Variants in GLIS3 observed in about 807,000 individuals in gnomAD.
The protein encoded by GLIS3 is GLIS family zinc finger 3, also known as zinc finger protein GLIS3.
GLIS3 carries 53 observed loss-of-function variants against 78.6 expected under a neutral mutation model. The observed-to-expected ratio is 0.67, with a 90% CI of 0.54 to 0.85. GLIS3 has a LOEUF of 0.85. Ranked by LOEUF, GLIS3 falls within the 40% of genes least tolerant of loss-of-function variation. The pLI, the probability that GLIS3 is intolerant of heterozygous loss-of-function variation, is 0.00. For synonymous variants in GLIS3, 684 were observed against 509.9 expected, an observed-to-expected ratio of 1.34 and a Z score of -4.60; for missense variants, 1,703 against 1,231.1, an observed-to-expected ratio of 1.38 and a Z score of -5.74.
Position 4,284,720 on chromosome 9 carries a change from G to A in GLIS3, c.388+1318C>T, listed in dbSNP as rs1424991830. Among the ~76,000 whole-genome samples, 12 of 149,894 alleles carry A rather than the reference G, an allele frequency of 8.0e-5. No homozygotes were observed. The South Asian group carries it at 2.3e-3, about 29-fold the overall frequency. On this transcript the variant is annotated intron_variant, in intron 2 of 10. Transcript: ENST00000381971. ...GAGCTCAGGAGTTGGAGACCAGCCTGAGCAACATAACGAAATCCTGTCTCA... is the reference window on the plus strand; with the variant it reads ...GAGCTCAGGAGTTGGAGACCAGCCTAAGCAACATAACGAAATCCTGTCTCA...
At chr9:3,886,528 C>T (rs1822084534) in intron 7 of GLIS3, among the ~76,000 whole-genome samples, 1 of 152,172 alleles carries the variant, frequency 6.6e-6, no homozygotes, top group Non-Finnish European at 1.5e-5. Context: ...AGTATTTTTA[C>T]ACTTTCAGCA....
intron 4 of GLIS3, among the ~76,000 whole-genome samples, chr9:3,969,974 T>C (rs1818262906): frequency 6.6e-6 from 1 of 152,222 alleles, no homozygotes; most frequent in South Asian, 2.1e-4. Context: ...CTACCTATGA[T>C]AAAATATTTT....
intron 1 of GLIS3, among the ~76,000 whole-genome samples, chr9:4,347,470 G>C (rs774870596): frequency 3.3e-5 from 5 of 152,098 alleles, no homozygotes; most frequent in African/African-American, 1.2e-4. Context: ...TACTCTCAGT[G>C]GTATGACTGT....
At chr9:4,229,941 C>G (rs1002876405) in intron 2 of GLIS3, among the ~76,000 whole-genome samples, 2 of 152,210 alleles carry the variant, frequency 1.3e-5, no homozygotes, top group Admixed American at 6.5e-5. Context: ...TTATTCTGAA[C>G]ATTGCCCAAT....
At chr9:4,079,215 T>A (rs886401100) in intron 4 of GLIS3, among the ~76,000 whole-genome samples, 1 of 152,226 alleles carries the variant, frequency 6.6e-6, no homozygotes, top group African/African-American at 2.4e-5. Context: ...ATGACATTTA[T>A]GCCTTGCACA....
intron 2 of GLIS3, among the ~76,000 whole-genome samples, chr9:4,318,763 C>G (rs960726622): frequency 6.6e-5 from 10 of 152,128 alleles, no homozygotes; most frequent in African/African-American, 2.4e-4. Flanking sequence ...ATGAAGATGA[C>G]AGTCTTCAAA....
At chr9:4,192,390 A>G (rs1818406634) in intron 2 of GLIS3, among the ~76,000 whole-genome samples, 1 of 152,220 alleles carries the variant, frequency 6.6e-6, no homozygotes, top group East Asian at 1.9e-4. Flanking sequence ...TTTGTGGACT[A>G]AGCTGAATAG....
At chr9:4,184,819 G>C (rs1408109735) in intron 2 of GLIS3, among the ~76,000 whole-genome samples, 3 of 152,148 alleles carry the variant, frequency 2.0e-5, no homozygotes, top group African/African-American at 4.8e-5. Context: ...GGAGTGAAAA[G>C]GAACTGAGGT....
chr9:4,373,106 A>G, the GLIS3 span, among the ~76,000 whole-genome samples: 1 of 152,216 alleles, frequency 6.6e-6, no homozygotes, highest in Non-Finnish European at 1.5e-5. Flanking sequence ...CCTGTTTCCT[A>G]AGTTCCAAGC....
chr9:3,881,058 A>G (rs1821696706), intron 7 of GLIS3, among the ~76,000 whole-genome samples: 1 of 152,186 alleles, frequency 6.6e-6, no homozygotes, highest in African/African-American at 2.4e-5. Flanking sequence ...TCACCTTATG[A>G]ATCACTAACC....
At chr9:4,474,096 T>C in the GLIS3 span, among the ~76,000 whole-genome samples, 1 of 152,194 alleles carries the variant, frequency 6.6e-6, no homozygotes, top group Non-Finnish European at 1.5e-5. Flanking sequence ...ATCTGTAAGC[T>C]ATCTAAATTT....
At chr9:4,173,561 T>TACACAC (rs34572625) in intron 2 of GLIS3, among the ~76,000 whole-genome samples, 27 of 146,530 alleles carry the variant, frequency 1.8e-4, no homozygotes, top group Middle Eastern at 3.5e-3. Context: ...TGTGTATAGA[T>TACACAC]ACACACACAC....
At chr9:4,351,037 T>G (rs1291347671), upstream of GLIS3, among the ~76,000 whole-genome samples, 1 of 152,142 alleles carries the variant, frequency 6.6e-6, no homozygotes, top group Non-Finnish European at 1.5e-5. Flanking sequence ...GGCCTTGAAG[T>G]GCTGGGCCCT....
At chr9:4,042,354 T>C (rs1382124410) in intron 4 of GLIS3, among the ~76,000 whole-genome samples, 3 of 152,314 alleles carry the variant, frequency 2.0e-5, no homozygotes, top group African/African-American at 7.2e-5. Flanking sequence ...CAGCCAAACA[T>C]AGACTAAACC....
At chr9:4,394,316 AATT>A in the GLIS3 span, among the ~76,000 whole-genome samples, 3 of 151,520 alleles carry the variant, frequency 2.0e-5, no homozygotes, top group Admixed American at 6.6e-5. Flanking sequence ...ATAATTTAAA[AATT>A]ATTATCTCAT....
intron 4 of GLIS3, among the ~76,000 whole-genome samples, chr9:4,050,497 C>A (rs1041597074): frequency 2.1e-4 from 32 of 152,162 alleles, no homozygotes; most frequent in South Asian, 6.2e-4. Context: ...ACCTAATGTA[C>A]ATGACAATTT....
chr9:4,396,577 T>C, the GLIS3 span, among the ~76,000 whole-genome samples: 1 of 152,384 alleles, frequency 6.6e-6, no homozygotes, highest in African/African-American at 2.4e-5. Flanking sequence ...CTCTTTTTCA[T>C]TGAAAGATTA....
intron 4 of GLIS3, among the ~76,000 whole-genome samples, chr9:4,005,809 T>C (rs1340260285): frequency 6.6e-6 from 1 of 152,212 alleles, no homozygotes; most frequent in East Asian, 1.9e-4. Flanking sequence ...ACTTAAATTA[T>C]CTACATGAGT....
chr9:3,911,044 C>A (rs1252882430), intron 6 of GLIS3, among the ~76,000 whole-genome samples: 1 of 152,214 alleles, frequency 6.6e-6, no homozygotes, highest in Admixed American at 6.5e-5. Flanking sequence ...GACTTTCTGT[C>A]TCTACTCATA....
Sources: allele counts gnomAD v4.1 joint callset (sites outside exome capture counted in the v4.1 genomes callset), GRCh38; gene constraint gnomAD v4.1.1; transcripts MANE v1.5; gene names NCBI Gene and HGNC (gene_info 2026-07-23, HGNC 2026-07-21).